KIFAP3: variants seen among roughly 807,000 people sequenced by gnomAD.
KIFAP3 encodes the protein kinesin-associated protein 3.
KIFAP3 carries 68 observed loss-of-function variants against 106.5 expected under a neutral mutation model. The observed-to-expected ratio is 0.64, with a 90% CI of 0.53 to 0.78. KIFAP3 has a LOEUF of 0.78. Ranked by LOEUF, KIFAP3 falls within the 30% of genes least tolerant of loss-of-function variation. KIFAP3 has a pLI of 0.00. For missense variants in KIFAP3, 780 were observed against 941.8 expected, an observed-to-expected ratio of 0.83 and a Z score of 2.25; for synonymous variants, 320 against 311.5, an observed-to-expected ratio of 1.03 and a Z score of -0.29.
chr1:169,983,492 CTTAAGGG>C, intron 12 of KIFAP3, 110 bp from the exon 13 acceptor site: 1 of 683,826 alleles, frequency 1.5e-6, no homozygotes, highest in Non-Finnish European at 2.6e-6. Context: ...ATGCATAACT[CTTAAGGG>C]TACAATTTGA....
chr1:169,923,151 A>G (rs565520442), intron 19 of KIFAP3: 2 of 950,254 alleles, frequency 2.1e-6, no homozygotes, highest in African/African-American at 3.5e-5. Flanking sequence ...ATTCTGGACA[A>G]AATTTGTTGT....
intron 16 of KIFAP3, among the ~76,000 whole-genome samples, chr1:169,973,203 T>C (rs1666027219): frequency 7.0e-6 from 1 of 142,944 alleles, no homozygotes; most frequent in African/African-American, 2.6e-5. Context: ...AAAAATCATT[T>C]TGGATATATA....
At chr1:170,017,564 G>A (rs1434210892) in intron 9 of KIFAP3, among the ~76,000 whole-genome samples, 2 of 152,072 alleles carry the variant, frequency 1.3e-5, no homozygotes, top group African/African-American at 4.8e-5. Flanking sequence ...AGTACATGTT[G>A]AAGACTGGCA....
chr1:170,039,346 T>C, intron 3 of KIFAP3, 58 bp from the exon 4 acceptor site: 1 of 956,238 alleles, frequency 1.0e-6, no homozygotes, highest in Non-Finnish European at 1.6e-6. Flanking sequence ...TCTAGGTAAT[T>C]TTTATTTTCA....
chr1:169,925,760 C>T (rs1663099175), intron 19 of KIFAP3, among the ~76,000 whole-genome samples: 1 of 152,046 alleles, frequency 6.6e-6, no homozygotes, highest in African/African-American at 2.4e-5. Flanking sequence ...GTTGACATTC[C>T]TGTAGAAAGA....
chr1:169,994,682 A>C (rs1051285628), intron 10 of KIFAP3, among the ~76,000 whole-genome samples: 7 of 152,018 alleles, frequency 4.6e-5, no homozygotes, highest in Non-Finnish European at 7.4e-5. Flanking sequence ...AATACATTTT[A>C]TTTATATGAA....
intron 9 of KIFAP3, chr1:170,024,166 T>C (rs1668994135): frequency 7.6e-6 from 2 of 261,562 alleles, no homozygotes; most frequent in South Asian, 1.5e-4. Context: ...ACTTTCTATA[T>C]ATTATGTTTA....
chr1:170,002,078 G>C (rs1412136372), intron 10 of KIFAP3, among the ~76,000 whole-genome samples: 1 of 152,118 alleles, frequency 6.6e-6, no homozygotes, highest in Non-Finnish European at 1.5e-5. Context: ...TCAAAGTTTA[G>C]AGTTCAACAG....
At chr1:170,061,833 A>G (rs1285400905) in intron 1 of KIFAP3, among the ~76,000 whole-genome samples, 1 of 152,234 alleles carries the variant, frequency 6.6e-6, no homozygotes, top group African/African-American at 2.4e-5. Flanking sequence ...CTATGCAGCC[A>G]TAAAAAAGGA....
chr1:170,008,792 C>G (rs1403042255), intron 10 of KIFAP3, among the ~76,000 whole-genome samples: 8 of 152,202 alleles, frequency 5.3e-5, no homozygotes. Flanking sequence ...GATTATAAAT[C>G]ATGCTAGTAT....
At chr1:169,994,993 C>T (rs991417787) in intron 10 of KIFAP3, among the ~76,000 whole-genome samples, 1 of 151,808 alleles carries the variant, frequency 6.6e-6, no homozygotes, top group African/African-American at 2.4e-5. Flanking sequence ...TTTTATTTGG[C>T]GGGCAGTAGG....
chr1:170,059,336 T>C (rs534786004), intron 1 of KIFAP3, among the ~76,000 whole-genome samples: 9 of 152,208 alleles, frequency 5.9e-5, no homozygotes, highest in African/African-American at 2.2e-4. Flanking sequence ...ATATCACCAC[T>C]GATCCCACAG....
At chr1:169,987,090 T>C (rs890399310) in intron 11 of KIFAP3, among the ~76,000 whole-genome samples, 2 of 152,076 alleles carry the variant, frequency 1.3e-5, no homozygotes, top group Non-Finnish European at 2.9e-5. Context: ...ATTAAAGCTT[T>C]CAAATTTAAA....
chr1:170,005,099 A>G (rs1181567559), intron 10 of KIFAP3, among the ~76,000 whole-genome samples: 1 of 151,884 alleles, frequency 6.6e-6, no homozygotes, highest in Non-Finnish European at 1.5e-5. Context: ...CAAAAAACAC[A>G]TGAAAAAATG....
chr1:169,984,695 C>A lies in KIFAP3; in HGVS notation c.1285-5G>T. ...TTCAAACAGCATCTTCATTAACTAGCAAGAAGCACAGGGCACATTTTACTC... is the reference window on the plus strand; with the variant it reads ...TTCAAACAGCATCTTCATTAACTAGAAAGAAGCACAGGGCACATTTTACTC... On this transcript the variant is annotated splice_region_variant and splice_polypyrimidine_tract_variant and intron_variant, in intron 11 of 19. Transcript: ENST00000361580. 1 of 1,516,512 alleles carries A rather than the reference C, an allele frequency of 6.6e-7. No homozygotes were observed. The highest frequency in any genetic ancestry group is 9.1e-7 in the Non-Finnish European group (1 of 1,096,744). The allele number at this position is 1,516,512 out of a possible 1,614,324, so 93.9% of individuals were successfully genotyped here. A position where few individuals can be genotyped will look rare whatever the true frequency, so the allele number is the denominator to read the frequency against.
chr1:170,079,983 G>T (rs1671995442), intron 1 of KIFAP3, among the ~76,000 whole-genome samples: 1 of 151,784 alleles, frequency 6.6e-6, no homozygotes, highest in South Asian at 2.1e-4. Flanking sequence ...GATATTATCA[G>T]TGGTGTTTGA....
intron 3 of KIFAP3, among the ~76,000 whole-genome samples, chr1:170,044,189 T>C (rs1190914924): frequency 6.6e-6 from 1 of 152,196 alleles, no homozygotes; most frequent in African/African-American, 2.4e-5. Context: ...GTAAAGTAAT[T>C]GTGTATTCTT....
At chr1:170,062,204 T>C (rs542683884) in intron 1 of KIFAP3, among the ~76,000 whole-genome samples, 4 of 123,918 alleles carry the variant, frequency 3.2e-5, no homozygotes, top group Non-Finnish European at 3.3e-5. Flanking sequence ...AAAACCACAA[T>C]GAGATACCAT....
At chr1:170,069,751 G>A (rs1371981057) in intron 1 of KIFAP3, among the ~76,000 whole-genome samples, 2 of 151,584 alleles carry the variant, frequency 1.3e-5, no homozygotes, top group African/African-American at 4.8e-5. Flanking sequence ...CTAAGATCAG[G>A]AACAAGACAA....
Sources: gnomAD v4.1 joint callset for allele counts (sites outside exome capture counted in the v4.1 genomes callset) on GRCh38, gnomAD v4.1.1 for gene constraint, MANE v1.5 for transcripts, NCBI Gene and HGNC (gene_info 2026-07-23, HGNC 2026-07-21) for gene names.